DOCK9: variants seen among roughly 807,000 people sequenced by gnomAD.
The protein encoded by DOCK9 is dedicator of cytokinesis 9, also known as dedicator of cytokinesis protein 9.
Under a neutral mutation model 263.3 loss-of-function variants are expected in DOCK9, and 89 were observed. The observed-to-expected ratio is 0.34, with a 90% confidence interval of 0.28 to 0.40. DOCK9 has a LOEUF of 0.40. Among genes scored for constraint, DOCK9 ranks in the 10% least tolerant of loss-of-function variants. DOCK9 has a pLI of 1.00. For synonymous variants in DOCK9, 976 were observed against 973.1 expected (o/e 1.00, Z -0.06); for missense variants, 2,140 against 2,603.4 (o/e 0.82, Z 3.87).
intron 2 of DOCK9, among the ~76,000 whole-genome samples, chr13:98,945,041 GA>G (rs1156831536): frequency 3.9e-5 from 6 of 152,150 alleles, no homozygotes; most frequent in Non-Finnish European, 8.8e-5. Context: ...AAGAACAAAT[GA>G]ATCAGTCAAG....
At chr13:98,826,326 A>C (rs1186598728) in intron 44 of DOCK9, among the ~76,000 whole-genome samples, 1 of 152,216 alleles carries the variant, frequency 6.6e-6, no homozygotes, top group Non-Finnish European at 1.5e-5. Flanking sequence ...TGGCCTGCTC[A>C]TCTGGGCACA....
chr13:98,846,055 T>C lies in DOCK9; in HGVS notation c.4067A>G (p.Gln1356Arg). Reference protein sequence around the residue: ...YMGKRYIARNQEGLGPIVHDR... With the variant: ...YMGKRYIARNREGLGPIVHDR... The stretch of plus-strand genomic sequence containing the variant: ...ATGAACTATGGGTCCCAACCCCTCC[T>C]GGTTCCTGCAACATGAGTGAAATGG... The change falls in exon 38 of 53, where the codon CAG (glutamine) becomes CGG (arginine). Residue 1356 changes from glutamine (Q) to arginine (R), a missense_variant. By Grantham distance (43) the Gln-to-Arg change is conservative. Coordinates refer to ENST00000682017, the MANE Select transcript of DOCK9 (RefSeq NM_001366683.2). 6.4e-7 allele frequency: 1 copy of C among 1,573,272 alleles called. No homozygotes were observed. The highest frequency in any genetic ancestry group is 8.6e-7 in the Non-Finnish European group (1 of 1,158,006).
intron 1 of DOCK9, among the ~76,000 whole-genome samples, chr13:99,075,419 C>G (rs1008164898): frequency 5.0e-5 from 7 of 141,116 alleles, no homozygotes; most frequent in African/African-American, 1.9e-4. Flanking sequence ...GTGGCTCAAT[C>G]AGAGCTCACT....
intron 1 of DOCK9, among the ~76,000 whole-genome samples, chr13:98,990,120 C>T (rs926040124): frequency 3.3e-5 from 5 of 152,170 alleles, no homozygotes; most frequent in Non-Finnish European, 7.3e-5. Flanking sequence ...AAATGTGTGA[C>T]CATCATAGGA....
Position 98,867,568 on chromosome 13 carries a change from T to A in DOCK9, c.3175-32A>T, listed in dbSNP as rs770699482. ...GAAGAAGTGTGTAGTCATAAATACC[T>A]CACTGGATATTTTATACAGGATTCT... On this transcript the variant is annotated intron_variant, in intron 29 of 52. Coordinates refer to ENST00000682017, the MANE Select transcript of DOCK9 (RefSeq NM_001366683.2). The A allele has an allele frequency of 1.2e-5, 15 of 1,291,850 alleles. No individual in the cohort carries two copies. The South Asian group carries it at 1.9e-4, about 16-fold the overall frequency. The allele number at this position is 1,291,850 out of a possible 1,614,324, so 80.0% of individuals were successfully genotyped here. A position where few individuals can be genotyped will look rare whatever the true frequency, so the allele number is the denominator to read the frequency against.
Position 98,898,211 on chromosome 13 carries a change from T to C in DOCK9, c.1554A>G (p.Gly518=), listed in dbSNP as rs1236479914. Residue 518 remains glycine, a synonymous_variant, in exon 14 of 53, where the codon GGA becomes GGG. Transcript: ENST00000682017. ...KNAKQACQRL[G]QYRMPFAWAA... is the part of the protein sequence containing the mutation. ...CCCAAGCAAATGGCATTCTATACTG[T>C]CCTAGTCTTTGGCATGCCTGCTTGG... 6.2e-7 allele frequency: 1 copy of C among 1,612,228 alleles called. No individual in the cohort carries two copies. Among genetic ancestry groups the C allele is most frequent in the African/African-American group, 1.3e-5 (1 of 75,018 alleles).
chr13:99,053,145 T>G (rs1595992725), intron 1 of DOCK9, among the ~76,000 whole-genome samples: 1 of 152,168 alleles, frequency 6.6e-6, no homozygotes, highest in Non-Finnish European at 1.5e-5. Context: ...CTGCGCCCTC[T>G]CCCAGCTGCC....
At chr13:99,087,673 G>C (rs2298282), upstream of DOCK9, 6 of 152,244 alleles carry the variant, frequency 3.9e-5, no homozygotes, top group Non-Finnish European at 7.3e-5. Flanking sequence ...ACAGGGCCGC[G>C]GAGAGGGCGC....
At chr13:98,905,927 C>T (rs2139606810) in intron 9 of DOCK9, among the ~76,000 whole-genome samples, 1 of 152,268 alleles carries the variant, frequency 6.6e-6, no homozygotes, top group Non-Finnish European at 1.5e-5. Flanking sequence ...GACCCAGAGG[C>T]CCACAATGTC....
At chr13:98,835,166 A>G (rs899211099) in intron 39 of DOCK9, among the ~76,000 whole-genome samples, 1 of 152,222 alleles carries the variant, frequency 6.6e-6, no homozygotes, top group Admixed American at 6.5e-5. Flanking sequence ...TAGGAGATTG[A>G]TTTCTGGATT....
chr13:98,859,511 C>G (rs1696477352), intron 33 of DOCK9: 1 of 152,018 alleles, frequency 6.6e-6, no homozygotes, highest in African/African-American at 2.4e-5. Context: ...CCACCACCGG[C>G]AAAGGTAAAG....
intron 1 of DOCK9, among the ~76,000 whole-genome samples, chr13:99,007,198 G>C (rs1883497744): frequency 6.6e-6 from 1 of 151,936 alleles, no homozygotes; most frequent in Non-Finnish European, 1.5e-5. Flanking sequence ...GACCATCCTG[G>C]CCAACATGGT....
In DOCK9 at chr13:98,901,890, G is replaced by C; in HGVS notation, c.1391C>G (p.Ser464Ter). The change falls in exon 13 of 53, where the codon TCA becomes TGA. Residue 464 changes from serine to a stop codon, truncating the protein, a stop_gained. Transcript: ENST00000682017. LOFTEE classifies it high-confidence loss of function. ...TATATCTGGATGAGGACAAGTGACT[G>C]AAAATATTCCCTAGGAGGCAAACAA... ...AMQYPKQGIF[S>*]VTCPHPDIFL... is the part of the protein sequence containing the mutation. 1 of 1,612,116 alleles carries C rather than the reference G, an allele frequency of 6.2e-7. No homozygotes were observed. Among genetic ancestry groups the C allele is most frequent in the Non-Finnish European group, 8.5e-7 (1 of 1,179,094 alleles).
intron 46 of DOCK9, among the ~76,000 whole-genome samples, chr13:98,809,751 C>T (rs1389276592): frequency 6.6e-6 from 1 of 152,190 alleles, no homozygotes; most frequent in African/African-American, 2.4e-5. Flanking sequence ...TGATTCTTGG[C>T]CTTTGCTTTT....
chr13:98,834,361 C>G (rs1053250355), intron 39 of DOCK9: 1 of 152,190 alleles, frequency 6.6e-6, no homozygotes, highest in Non-Finnish European at 1.5e-5. Context: ...TGCAGAAGAG[C>G]CATTTCTGTT....
At chr13:98,907,158 C>A (rs1304797080) in intron 9 of DOCK9, among the ~76,000 whole-genome samples, 1 of 152,248 alleles carries the variant, frequency 6.6e-6, no homozygotes, top group African/African-American at 2.4e-5. Flanking sequence ...ATCTATTTAA[C>A]TGAACCCAAA....
At chr13:98,798,111 G>A (rs2089657762) in intron 50 of DOCK9, among the ~76,000 whole-genome samples, 1 of 152,202 alleles carries the variant, frequency 6.6e-6, no homozygotes, top group Non-Finnish European at 1.5e-5. Context: ...CAGCTAAGAA[G>A]GGTCTGCTGA....
intron 1 of DOCK9, among the ~76,000 whole-genome samples, chr13:99,064,581 G>A (rs1481442234): frequency 2.0e-5 from 3 of 152,046 alleles, no homozygotes; most frequent in Non-Finnish European, 4.4e-5. Context: ...GTGCAAAAAG[G>A]CATAACAAAA....
chr13:99,070,410 A>G (rs2041618182), intron 1 of DOCK9, among the ~76,000 whole-genome samples: 1 of 152,154 alleles, frequency 6.6e-6, no homozygotes, highest in Non-Finnish European at 1.5e-5. Context: ...TTTCTTAAAC[A>G]TGTTTTCACA....
Sources: gnomAD v4.1 joint callset for allele counts (sites outside exome capture counted in the v4.1 genomes callset) on GRCh38, gnomAD v4.1.1 for gene constraint, MANE v1.5 for transcripts, NCBI Gene and HGNC (gene_info 2026-07-23, HGNC 2026-07-21) for gene names.